AJAP1: variants seen among roughly 807,000 people sequenced by gnomAD.
AJAP1 encodes the protein adherens junction-associated protein 1.
AJAP1 carries 5 observed loss-of-function variants against 35.0 expected under a neutral mutation model. The observed-to-expected ratio is 0.14, with a 90% CI of 0.07 to 0.30. The LOEUF (loss-of-function observed/expected upper bound fraction) is 0.30, where lower values mean the gene tolerates loss of function less well. AJAP1 is among the 10% of genes least tolerant of loss of function. The pLI, the probability that AJAP1 is intolerant of heterozygous loss-of-function variation, is 1.00. For missense variants in AJAP1, 586 were observed against 571.0 expected (o/e 1.03, Z -0.27); for synonymous variants, 284 against 249.3 (o/e 1.14, Z -1.31).
At chr1:4,674,322 C>T (rs558060382) in intron 1 of AJAP1, among the ~76,000 whole-genome samples, 62 of 152,276 alleles carry the variant, frequency 4.1e-4, no homozygotes, top group African/African-American at 1.2e-3. Context: ...TCACAGCCCA[C>T]GGCTGCCTGA....
At chr1:4,708,790 G>A (rs922600539) in intron 1 of AJAP1, among the ~76,000 whole-genome samples, 6 of 152,042 alleles carry the variant, frequency 3.9e-5, no homozygotes, top group African/African-American at 1.2e-4. Flanking sequence ...GCCCCTACAC[G>A]TCTTCCTATG....
intron 2 of AJAP1, among the ~76,000 whole-genome samples, chr1:4,755,797 A>T (rs1015081825): frequency 1.3e-5 from 2 of 151,492 alleles, no homozygotes; most frequent in African/African-American, 4.9e-5. Flanking sequence ...GGGAATTTGC[A>T]GCCAAGGGGT....
At chr1:4,662,437 G>A (rs1392985537) in intron 1 of AJAP1, among the ~76,000 whole-genome samples, 2 of 152,180 alleles carry the variant, frequency 1.3e-5, no homozygotes, top group Non-Finnish European at 2.9e-5. Context: ...TTCCTGAATG[G>A]TATCCTGATT....
chr1:4,742,944 G>T (rs928347973), intron 2 of AJAP1, among the ~76,000 whole-genome samples: 1 of 152,174 alleles, frequency 6.6e-6, no homozygotes. Context: ...GACCCACTGG[G>T]TCAGATTTCA....
At chr1:4,711,754 G>C (rs768251282) in intron 1 of AJAP1, 146 bp from the exon 2 acceptor site, 105 of 608,150 alleles carry the variant, frequency 1.7e-4, no homozygotes, top group Non-Finnish European at 2.6e-4. Context: ...GAAGGGTTTC[G>C]GATTCCCTTT....
chr1:4,688,299 A>G (rs1183284905), intron 1 of AJAP1, among the ~76,000 whole-genome samples: 1 of 152,164 alleles, frequency 6.6e-6, no homozygotes, highest in African/African-American at 2.4e-5. Context: ...GTCATCCAAG[A>G]GAGACAGTGA....
intron 1 of AJAP1, among the ~76,000 whole-genome samples, chr1:4,711,364 C>T (rs1248781582): frequency 6.6e-6 from 1 of 152,176 alleles, no homozygotes; most frequent in African/African-American, 2.4e-5. Flanking sequence ...GAAACCTCCG[C>T]TCCTCCTAGA....
At chr1:4,759,026 A>G (rs1358426891) in intron 2 of AJAP1, among the ~76,000 whole-genome samples, 2 of 152,208 alleles carry the variant, frequency 1.3e-5, no homozygotes, top group Non-Finnish European at 2.9e-5. Flanking sequence ...ACCAGCTCCA[A>G]ACTTGGTCAC....
chr1:4,669,385 A>G (rs1639202089), intron 1 of AJAP1, among the ~76,000 whole-genome samples: 1 of 152,216 alleles, frequency 6.6e-6, no homozygotes, highest in African/African-American at 2.4e-5. Context: ...ACAGTTCCGC[A>G]TGGCTGGGGA....
intron 2 of AJAP1, among the ~76,000 whole-genome samples, chr1:4,762,494 C>T (rs553499380): frequency 6.6e-6 from 1 of 152,352 alleles, no homozygotes; most frequent in East Asian, 1.9e-4. Flanking sequence ...CTCTGGGCGT[C>T]AAGGCCCAAG....
At chr1:4,711,427 G>A (rs1414761970) in intron 1 of AJAP1, among the ~76,000 whole-genome samples, 2 of 152,218 alleles carry the variant, frequency 1.3e-5, no homozygotes, top group Non-Finnish European at 2.9e-5. Flanking sequence ...GCTATGTAGA[G>A]GAAAGCGCCT....
chr1:4,722,947 A>G (rs2100285126), intron 2 of AJAP1, among the ~76,000 whole-genome samples: 1 of 152,208 alleles, frequency 6.6e-6, no homozygotes, highest in East Asian at 1.9e-4. Flanking sequence ...TATTCTGAGT[A>G]TGCTGGGGCT....
chr1:4,704,783 A>G (rs917042483), intron 1 of AJAP1, among the ~76,000 whole-genome samples: 5 of 152,162 alleles, frequency 3.3e-5, no homozygotes, highest in Non-Finnish European at 5.9e-5. Flanking sequence ...ACAGTGTAAA[A>G]GTGTTCCTAT....
chr1:4,729,389 T>TCCTGTGC (rs1389890609), intron 2 of AJAP1, among the ~76,000 whole-genome samples: 1 of 152,118 alleles, frequency 6.6e-6, no homozygotes, highest in Non-Finnish European at 1.5e-5. Flanking sequence ...CCCCACACAC[T>TCCTGTGC]CCTGTGCCCT....
intron 1 of AJAP1, among the ~76,000 whole-genome samples, chr1:4,709,918 G>A (rs988362962): frequency 1.3e-5 from 2 of 152,106 alleles, no homozygotes; most frequent in African/African-American, 4.8e-5. Flanking sequence ...CCTGATGACT[G>A]GGGGGCCATC....
chr1:4,730,555 A>G (rs1241156970), intron 2 of AJAP1, among the ~76,000 whole-genome samples: 3 of 152,238 alleles, frequency 2.0e-5, no homozygotes, highest in Non-Finnish European at 2.9e-5. Flanking sequence ...GAAGGCACAC[A>G]GTGCCTACTG....
At chr1:4,732,429 C>T (rs1035972834) in intron 2 of AJAP1, among the ~76,000 whole-genome samples, 12 of 152,396 alleles carry the variant, frequency 7.9e-5, no homozygotes, top group African/African-American at 2.6e-4. Context: ...AGGGGACCTC[C>T]AAGCTACCCT....
chr1:4,684,824 C>T (rs1353363479), intron 1 of AJAP1, among the ~76,000 whole-genome samples: 1 of 152,138 alleles, frequency 6.6e-6, no homozygotes, highest in Non-Finnish European at 1.5e-5. Flanking sequence ...CTCACCTCCC[C>T]CAGCCCCTTG....
At position 4,711,421 on chromosome 1, in the gene AJAP1, T is replaced by C. The variant is rs189116542; in HGVS notation, c.30-479T>C. ...AGTGGGCGGGGGGTGGCCTGGGCTA[T>C]GTAGAGGAAAGCGCCTGGCCCTGGG... On this transcript the variant is annotated intron_variant, in intron 1 of 5. Transcript: ENST00000378191. Among the ~76,000 whole-genome samples, 12 of 152,220 alleles carry C rather than the reference T, an allele frequency of 7.9e-5. 1 individual carries two copies. The highest frequency in any genetic ancestry group is 2.9e-4 in the African/African-American group (12 of 41,558).
Sources: gnomAD v4.1 joint callset for allele counts (sites outside exome capture counted in the v4.1 genomes callset) on GRCh38, gnomAD v4.1.1 for gene constraint, MANE v1.5 for transcripts, NCBI Gene and HGNC (gene_info 2026-07-23, HGNC 2026-07-21) for gene names.